CEP63: variants seen among roughly 807,000 people sequenced by gnomAD.
CEP63 encodes the protein centrosomal protein 63, also known as centrosomal protein of 63 kDa.
Under a neutral mutation model 89.1 loss-of-function variants are expected in CEP63, and 84 were observed. That is an observed-to-expected ratio of 0.94 (90% CI 0.79 to 1.13). CEP63 has a LOEUF of 1.13. Among genes scored for constraint, CEP63 ranks in the 50% most tolerant of loss-of-function variants. The pLI, the probability that CEP63 is intolerant of heterozygous loss-of-function variation, is 0.00. For synonymous variants in CEP63, 267 were observed against 272.5 expected, an observed-to-expected ratio of 0.98 and a Z score of 0.20; for missense variants, 838 against 813.3, an observed-to-expected ratio of 1.03 and a Z score of -0.37.
chr3:134,633,363 C>T, the CEP63 span, among the ~76,000 whole-genome samples: 167 of 152,120 alleles, frequency 1.1e-3, no homozygotes, highest in African/African-American at 3.9e-3. Context: ...CAAAATATTA[C>T]AACATTAAAT....
the CEP63 span, among the ~76,000 whole-genome samples, chr3:134,753,573 C>T: frequency 4.3e-4 from 65 of 152,336 alleles, no homozygotes; most frequent in Non-Finnish European, 8.4e-4. Context: ...AAGCAAGCAC[C>T]TCATGATTTC....
At chr3:134,540,997 G>A (rs1951885896) in intron 6 of CEP63, among the ~76,000 whole-genome samples, 1 of 151,918 alleles carries the variant, frequency 6.6e-6, no homozygotes, top group African/African-American at 2.4e-5. Context: ...GGCCATGTTG[G>A]TCTTGAACTC....
chr3:134,536,995 C>T, intron 5 of CEP63, 160 bp from the exon 6 acceptor site: 2 of 674,542 alleles, frequency 3.0e-6, no homozygotes, highest in South Asian at 3.0e-5. Context: ...TAGTATTACT[C>T]TCCAGCTCTG....
At chr3:134,556,839 A>G (rs1956281085) in intron 12 of CEP63, among the ~76,000 whole-genome samples, 3 of 152,200 alleles carry the variant, frequency 2.0e-5, no homozygotes, top group Admixed American at 2.0e-4. Context: ...TTATAAAATA[A>G]TAACTTAGAG....
At chr3:134,631,064 G>A in the CEP63 span, among the ~76,000 whole-genome samples, 3 of 152,208 alleles carry the variant, frequency 2.0e-5, no homozygotes, top group Non-Finnish European at 4.4e-5. Flanking sequence ...AATAGAAAAT[G>A]TAAGTAGTGC....
the CEP63 span, chr3:134,651,427 GCA>G: frequency 5.0e-5 from 54 of 1,079,512 alleles, no homozygotes; most frequent in Non-Finnish European, 5.6e-5. Flanking sequence ...TACAGAAATC[GCA>G]CAGTGCTGTC....
At chr3:134,577,945 C>T (rs149376920), downstream of CEP63, among the ~76,000 whole-genome samples, 488 of 152,246 alleles carry the variant, frequency 3.2e-3, 4 homozygotes, top group African/African-American at 0.011. Flanking sequence ...CTGCAAAGGA[C>T]GTGATCTCAT....
At chr3:134,628,511 A>G in the CEP63 span, among the ~76,000 whole-genome samples, 1 of 152,234 alleles carries the variant, frequency 6.6e-6, no homozygotes, top group African/African-American at 2.4e-5. Flanking sequence ...GGCTATAAAT[A>G]TAACAAAGAA....
At chr3:134,548,963 C>T in intron 9 of CEP63, 99 bp from the exon 10 acceptor site, 1 of 741,046 alleles carries the variant, frequency 1.3e-6, no homozygotes, top group Non-Finnish European at 2.5e-6. Flanking sequence ...AAGATATTGG[C>T]TGGATATTTT....
chr3:134,510,472 T>C lies in CEP63; in HGVS notation c.222+3186T>C, dbSNP rs1022123283. 2.6e-4 allele frequency: 79 copies of C among 303,944 alleles called. 1 individual carries two copies. Among genetic ancestry groups the C allele is most frequent in the Middle Eastern group, 9.8e-4 (1 of 1,022 alleles). 18.8% of individuals were successfully genotyped at this position (303,944 alleles called of 1,614,324 possible). A position where few individuals can be genotyped will look rare whatever the true frequency, so the allele number is the denominator to read the frequency against. On this transcript the variant is annotated intron_variant, in intron 3 of 14. Transcript: ENST00000675561. Reference sequence around the variant, plus strand: ...TCAGCAACACCACCATGGAATCGACTGTTGAGCCTTTCTACTATTAATTAC... The same window carrying C: ...TCAGCAACACCACCATGGAATCGACCGTTGAGCCTTTCTACTATTAATTAC...
chr3:134,604,354 A>G, the CEP63 span: 1 of 1,613,610 alleles, frequency 6.2e-7, no homozygotes, highest in Non-Finnish European at 8.5e-7. Flanking sequence ...TGGAGGGTAC[A>G]CCTCCAACTT....
the CEP63 span, among the ~76,000 whole-genome samples, chr3:134,718,560 A>G: frequency 6.6e-6 from 1 of 152,236 alleles, no homozygotes; most frequent in Admixed American, 6.5e-5. Flanking sequence ...TGGGTTAGAC[A>G]GAAAACATCC....
intron 1 of CEP63, among the ~76,000 whole-genome samples, chr3:134,488,750 A>G (rs949236810): frequency 7.2e-5 from 11 of 152,224 alleles, no homozygotes; most frequent in Non-Finnish European, 1.3e-4. Flanking sequence ...CCCTGGTGCC[A>G]AAAAGGTTGG....
intron 2 of CEP63, among the ~76,000 whole-genome samples, chr3:134,500,505 A>C (rs1941635896): frequency 6.6e-6 from 1 of 152,138 alleles, no homozygotes; most frequent in East Asian, 1.9e-4. Flanking sequence ...ATTTTTAGTT[A>C]TTTGAGAAAT....
chr3:134,703,182 G>A, the CEP63 span, among the ~76,000 whole-genome samples: 1 of 151,192 alleles, frequency 6.6e-6, no homozygotes, highest in Non-Finnish European at 1.5e-5. Flanking sequence ...TGTAGTCCCA[G>A]CTACTTGGGA....
chr3:134,656,323 C>A, the CEP63 span, among the ~76,000 whole-genome samples: 1 of 152,094 alleles, frequency 6.6e-6, no homozygotes, highest in Admixed American at 6.5e-5. Flanking sequence ...AAGAGAAAAA[C>A]GCGTGTCTCA....
At chr3:134,549,275 G>A in intron 10 of CEP63, 99 bp downstream of exon 10, 1 of 757,058 alleles carries the variant, frequency 1.3e-6, no homozygotes, top group Non-Finnish European at 2.3e-6. Flanking sequence ...AGAAAAAAAT[G>A]TAGTTCAAGG....
At chr3:134,549,868 G>T (rs920019055) in intron 10 of CEP63, among the ~76,000 whole-genome samples, 195 bp from the exon 11 acceptor site, 2 of 152,176 alleles carry the variant, frequency 1.3e-5, no homozygotes, top group African/African-American at 4.8e-5. Context: ...TATAATAAAT[G>T]ATTGTAGGTA....
At chr3:134,655,342 C>T in the CEP63 span, among the ~76,000 whole-genome samples, 2 of 152,224 alleles carry the variant, frequency 1.3e-5, no homozygotes, top group Non-Finnish European at 2.9e-5. Flanking sequence ...CAGTGAGCCA[C>T]AGAATCCATT....
Sources: allele counts gnomAD v4.1 joint callset (sites outside exome capture counted in the v4.1 genomes callset), GRCh38; gene constraint gnomAD v4.1.1; transcripts MANE v1.5; gene names NCBI Gene and HGNC (gene_info 2026-07-23, HGNC 2026-07-21).